Variants in GNA14 observed in about 807,000 individuals in gnomAD.
GNA14 encodes the protein guanine nucleotide-binding protein subunit alpha-14.
Under a neutral mutation model 42.0 loss-of-function variants are expected in GNA14, and 50 were observed. The ratio of observed to expected loss-of-function variants is 1.19; its 90% CI spans 0.95 to 1.51. GNA14 has a LOEUF of 1.51. GNA14 is among the 40% of genes most tolerant of loss of function. The pLI is 0.00. For synonymous variants in GNA14, 173 were observed against 163.1 expected (o/e 1.06, Z -0.46); for missense variants, 473 against 446.2 (o/e 1.06, Z -0.54).
intron 1 of GNA14, among the ~76,000 whole-genome samples, chr9:77,535,574 G>T (rs1412517066): frequency 6.6e-6 from 1 of 152,022 alleles, no homozygotes; most frequent in Non-Finnish European, 1.5e-5. Context: ...AAACAAAAAA[G>T]ATACTGATTT....
At position 77,577,283 on chromosome 9, in the gene GNA14, T is replaced by G. The variant is rs116975769; in HGVS notation, c.125-48030A>C. Among the ~76,000 whole-genome samples, 1,068 of 152,334 alleles carry G rather than the reference T, an allele frequency of 7.0e-3. 6 individuals carry two copies. Among genetic ancestry groups the G allele is most frequent in the Non-Finnish European group, 0.012 (783 of 68,024 alleles). The stretch of plus-strand genomic sequence containing the variant: ...AAGGAGAGTAAGTTACTGCCCTGTA[T>G]TTTCTTACATACTGTACATTCTAAA... On this transcript the variant is annotated intron_variant, in intron 1 of 6. Transcript: ENST00000341700.
At chr9:77,543,184 G>C (rs1194953369) in intron 1 of GNA14, among the ~76,000 whole-genome samples, 2 of 152,234 alleles carry the variant, frequency 1.3e-5, no homozygotes, top group Non-Finnish European at 2.9e-5. Flanking sequence ...TTGGCCTAAG[G>C]GCAGGACATA....
intron 1 of GNA14, among the ~76,000 whole-genome samples, 159 bp downstream of exon 1, chr9:77,647,511 G>T (rs1204667006): frequency 6.6e-6 from 1 of 152,206 alleles, no homozygotes; most frequent in Non-Finnish European, 1.5e-5. Context: ...AGGCACCTAA[G>T]GCCCCAAGTT....
At chr9:77,470,176 T>G (rs1836306488) in intron 2 of GNA14, among the ~76,000 whole-genome samples, 3 of 152,276 alleles carry the variant, frequency 2.0e-5, no homozygotes, top group Non-Finnish European at 4.4e-5. Context: ...TTCAGGATGT[T>G]CACTGAACCT....
intron 2 of GNA14, among the ~76,000 whole-genome samples, chr9:77,454,932 C>T (rs962202193): frequency 2.0e-5 from 3 of 152,210 alleles, no homozygotes; most frequent in Non-Finnish European, 2.9e-5. Flanking sequence ...GCTGTGGATT[C>T]CAGCCATATG....
intron 6 of GNA14, among the ~76,000 whole-genome samples, chr9:77,425,331 C>A (rs1419185824): frequency 6.6e-6 from 1 of 152,094 alleles, no homozygotes; most frequent in South Asian, 2.1e-4. Context: ...ATGGAGGCAG[C>A]GAAAGGAGTT....
chr9:77,604,644 CA>C (rs1823621985), intron 1 of GNA14, among the ~76,000 whole-genome samples: 1 of 152,166 alleles, frequency 6.6e-6, no homozygotes. Context: ...AGCAGAATGA[CA>C]TGGAAGCAAA....
intron 2 of GNA14, among the ~76,000 whole-genome samples, chr9:77,516,369 C>G (rs113180281): frequency 0.01 from 1,566 of 152,264 alleles, 20 homozygotes; most frequent in African/African-American, 0.034. Context: ...CCTCTAGTGG[C>G]AGAGATACCA....
intron 1 of GNA14, among the ~76,000 whole-genome samples, chr9:77,540,922 C>G (rs1033470094): frequency 6.6e-6 from 1 of 152,108 alleles, no homozygotes; most frequent in East Asian, 1.9e-4. Context: ...CAATCTACAT[C>G]TTTTAAGTGG....
At chr9:77,477,647 G>T in intron 2 of GNA14, among the ~76,000 whole-genome samples, 1 of 152,122 alleles carries the variant, frequency 6.6e-6, no homozygotes, top group East Asian at 1.9e-4. Context: ...GGCAGTTAAA[G>T]ACATTCTCCA....
intron 2 of GNA14, among the ~76,000 whole-genome samples, chr9:77,489,926 C>G (rs1836732798): frequency 6.6e-6 from 1 of 152,102 alleles, no homozygotes; most frequent in South Asian, 2.1e-4. Flanking sequence ...CCACTGGCAG[C>G]CTGTTTTTAT....
rs185391679 is a variant in GNA14, at chr9:77,641,881, T to A, written c.124+5789A>T. Among the ~76,000 whole-genome samples the A allele has an allele frequency of 5.3e-5, 8 of 152,274 alleles. No individual in the cohort carries two copies. In the East Asian group the frequency reaches 1.4e-3, roughly 26 times the overall value. ...ATCCCTATTTTTAGAAAAACACGCT[T>A]AAGAGTTTAGGGAAAAAAAGGCCAC... is the stretch of plus-strand genomic sequence containing the variant. On this transcript the variant is annotated intron_variant, in intron 1 of 6. Coordinates refer to ENST00000341700, the MANE Select transcript of GNA14 (RefSeq NM_004297.4).
intron 2 of GNA14, among the ~76,000 whole-genome samples, chr9:77,501,676 A>C (rs1167242339): frequency 6.7e-6 from 1 of 149,570 alleles, no homozygotes; most frequent in African/African-American, 2.5e-5. Flanking sequence ...ATAATCTTAA[A>C]GTTGACTTTT....
At chr9:77,639,308 T>C (rs1197085559) in intron 1 of GNA14, among the ~76,000 whole-genome samples, 1 of 152,246 alleles carries the variant, frequency 6.6e-6, no homozygotes, top group East Asian at 1.9e-4. Flanking sequence ...CAGGCACTAT[T>C]CTAAACGCTC....
At chr9:77,533,649 GA>G (rs1039379013) in intron 1 of GNA14, among the ~76,000 whole-genome samples, 1 of 152,148 alleles carries the variant, frequency 6.6e-6, no homozygotes, top group African/African-American at 2.4e-5. Flanking sequence ...CTCAGCAGGG[GA>G]TAAAACTGCT....
intron 1 of GNA14, among the ~76,000 whole-genome samples, chr9:77,599,343 C>A (rs569312960): frequency 2.6e-4 from 39 of 152,266 alleles, no homozygotes; most frequent in African/African-American, 8.7e-4. Context: ...AAGAAAAAGC[C>A]ACAGAACGGA....
At chr9:77,485,699 A>AT (rs774137153) in intron 2 of GNA14, among the ~76,000 whole-genome samples, 47 of 152,278 alleles carry the variant, frequency 3.1e-4, no homozygotes, top group Non-Finnish European at 5.7e-4. Context: ...GTTAGCAACC[A>AT]TTTAAAAAAA....
intron 2 of GNA14, among the ~76,000 whole-genome samples, chr9:77,520,140 A>T (rs538857189): frequency 6.6e-5 from 10 of 152,178 alleles, no homozygotes; most frequent in Non-Finnish European, 1.2e-4. Context: ...TGCTTTCTAG[A>T]ATAGTTTGCC....
chr9:77,549,187 G>A (rs1326454889), intron 1 of GNA14, among the ~76,000 whole-genome samples: 1 of 152,142 alleles, frequency 6.6e-6, no homozygotes, highest in Non-Finnish European at 1.5e-5. Flanking sequence ...GCCCACCTCG[G>A]CCTCCCAAAG....
Sources: gnomAD v4.1 joint callset for allele counts (sites outside exome capture counted in the v4.1 genomes callset) on GRCh38, gnomAD v4.1.1 for gene constraint, MANE v1.5 for transcripts, NCBI Gene and HGNC (gene_info 2026-07-23, HGNC 2026-07-21) for gene names.